The following MAP3K1 variants were observed in gnomAD, a reference collection of about 807,000 sequenced individuals.
MAP3K1 encodes MAP/ERK kinase kinase 1.
Under a neutral mutation model 144.2 loss-of-function variants are expected in MAP3K1, and 36 were observed. The ratio of observed to expected loss-of-function variants is 0.25; its 90% CI spans 0.19 to 0.33. The LOEUF is 0.33. Among genes scored for constraint, MAP3K1 ranks in the 10% least tolerant of loss-of-function variants. The pLI is 1.00. For synonymous variants in MAP3K1, 718 were observed against 688.7 expected, an observed-to-expected ratio of 1.04 and a Z score of -0.67; for missense variants, 1,650 against 1,881.9, an observed-to-expected ratio of 0.88 and a Z score of 2.28.
intron 1 of MAP3K1, among the ~76,000 whole-genome samples, chr5:56,848,677 C>G (rs989953116): frequency 6.6e-6 from 1 of 151,936 alleles, no homozygotes; most frequent in Non-Finnish European, 1.5e-5. Context: ...TTTCAAAATC[C>G]TGTAATTGTG....
chr5:56,855,757 A>G (rs958399028), intron 1 of MAP3K1, among the ~76,000 whole-genome samples: 3 of 152,228 alleles, frequency 2.0e-5, no homozygotes, highest in African/African-American at 7.2e-5. Flanking sequence ...ACTTTTCAAA[A>G]TAGTTACTGA....
At chr5:56,844,787 C>T (rs1207787571) in intron 1 of MAP3K1, among the ~76,000 whole-genome samples, 3 of 152,170 alleles carry the variant, frequency 2.0e-5, no homozygotes, top group Non-Finnish European at 4.4e-5. Context: ...TCTTTGCTGC[C>T]TGGCCAGTGC....
rs1748208673 is a variant in MAP3K1, at chr5:56,881,591, C to G, written c.2391C>G (p.Leu797=). 6.2e-7 allele frequency: 1 copy of G among 1,613,468 alleles called. No homozygotes were observed. Among genetic ancestry groups the G allele is most frequent in the Non-Finnish European group, 8.5e-7 (1 of 1,179,694 alleles). ...TCAGGTATAAGAAGCTGCTGTCCCT[C>G]TTAACCTTTGCTTTGCAGTCCATTG... is the stretch of plus-strand genomic sequence containing the variant. ...VEIRYKKLLS[L]LTFALQSIDN... Residue 797 remains leucine (L), a synonymous_variant, in exon 14 of 20, where the codon CTC becomes CTG. Coordinates refer to ENST00000399503, the MANE Select transcript of MAP3K1 (RefSeq NM_005921.2).
At chr5:56,881,322 C>A (rs2111940174) in intron 13 of MAP3K1, 50 bp downstream of exon 13, 1 of 1,449,336 alleles carries the variant, frequency 6.9e-7, no homozygotes, top group Non-Finnish European at 9.6e-7. Context: ...ACCCTCCCTA[C>A]ACCCTCCTCA....
intron 1 of MAP3K1, chr5:56,852,204 C>G (rs1375417821): frequency 6.6e-6 from 1 of 151,932 alleles, no homozygotes; most frequent in Non-Finnish European, 1.5e-5. Flanking sequence ...GGAAGAAGGT[C>G]TAATTTATGG....
intron 1 of MAP3K1, among the ~76,000 whole-genome samples, chr5:56,846,903 ATTAGTGATGTGC>A (rs1747014875): frequency 6.6e-6 from 1 of 152,232 alleles, no homozygotes; most frequent in Non-Finnish European, 1.5e-5. Context: ...TCTCAATTCT[ATTAGTGATGTGC>A]TTAGTAATGT....
rs938783293 is a variant in MAP3K1 at position 56,893,171 on chromosome 5, C to T, written c.4390-360C>T. On this transcript the variant is annotated intron_variant, in intron 19 of 19. Transcript: ENST00000399503. Reference sequence around the variant, plus strand: ...CTCTGTATGCTGAAGAAATAGAAAACGTGCAGTAAGAACAAACCATCTCGG... The same window carrying T: ...CTCTGTATGCTGAAGAAATAGAAAATGTGCAGTAAGAACAAACCATCTCGG... 7.2e-5 allele frequency among the ~76,000 whole-genome samples: 11 copies of T among 152,038 alleles called. No individual in the cohort carries two copies. In the East Asian group the frequency reaches 7.7e-4, roughly 11 times the overall value.
At chr5:56,842,780 T>C (rs1008802519) in intron 1 of MAP3K1, among the ~76,000 whole-genome samples, 2 of 152,206 alleles carry the variant, frequency 1.3e-5, no homozygotes, top group African/African-American at 4.8e-5. Context: ...TATATATTAA[T>C]TTATTTAATC....
chr5:56,840,757 A>G (rs1746786941), intron 1 of MAP3K1, among the ~76,000 whole-genome samples: 1 of 152,164 alleles, frequency 6.6e-6, no homozygotes, highest in South Asian at 2.1e-4. Flanking sequence ...CGTAAAAACA[A>G]CTGGAACTGA....
intron 9 of MAP3K1, 143 bp from the exon 10 acceptor site, chr5:56,874,889 G>A (rs1326105509): frequency 1.2e-6 from 1 of 814,710 alleles, no homozygotes. Context: ...TAAGTGGCTG[G>A]ATATATTTGA....
intron 16 of MAP3K1, among the ~76,000 whole-genome samples, chr5:56,885,130 T>TG (rs1748342644): frequency 6.6e-6 from 1 of 152,154 alleles, no homozygotes; most frequent in African/African-American, 2.4e-5. Context: ...CATGATAAAT[T>TG]GGACAGATGA....
rs933127319 is a variant in MAP3K1 at position 56,870,505 on chromosome 5, A to G, written c.1302-1405A>G. Among the ~76,000 whole-genome samples, 10 of 152,234 alleles carry G rather than the reference A, an allele frequency of 6.6e-5. No homozygotes were observed. In the South Asian group the frequency reaches 1.9e-3, roughly 28 times the overall value. On this transcript the variant is annotated intron_variant, in intron 6 of 19. Coordinates refer to ENST00000399503, the MANE Select transcript of MAP3K1 (RefSeq NM_005921.2). ...TAACTATTTCATACAACTTTTAAAA[A>G]TTACATAAATCAAGGAATGAAACTC...
intron 16 of MAP3K1, 64 bp from the exon 17 acceptor site, chr5:56,885,868 A>G: frequency 2.7e-6 from 4 of 1,477,258 alleles, no homozygotes; most frequent in Non-Finnish European, 2.8e-6. Context: ...TTTAGAAACC[A>G]AAGTGTAATA....
intron 1 of MAP3K1, among the ~76,000 whole-genome samples, chr5:56,825,964 C>G (rs1746299725): frequency 6.8e-6 from 1 of 148,052 alleles, no homozygotes; most frequent in Admixed American, 6.8e-5. Context: ...ACTGACCGTT[C>G]TTCTTTTTTT....
intron 13 of MAP3K1, 113 bp downstream of exon 13, chr5:56,881,385 A>T: frequency 9.8e-7 from 1 of 1,025,074 alleles, no homozygotes; most frequent in Non-Finnish European, 1.5e-6. Context: ...TAGGTTGCTG[A>T]TACCTTAATA....
intron 9 of MAP3K1, among the ~76,000 whole-genome samples, chr5:56,874,657 C>T (rs997906777): frequency 6.6e-6 from 1 of 151,980 alleles, no homozygotes; most frequent in African/African-American, 2.4e-5. Flanking sequence ...AATCTTGCTC[C>T]AGTTTTTCTC....
intron 1 of MAP3K1, among the ~76,000 whole-genome samples, chr5:56,827,050 G>A (rs887035443): frequency 6.6e-6 from 1 of 152,230 alleles, no homozygotes. Flanking sequence ...CAGGTGAAAG[G>A]AACTTGCAAG....
chr5:56,848,726 G>A lies in MAP3K1; in HGVS notation c.483-7874G>A, dbSNP rs545015055. On this transcript the variant is annotated intron_variant, in intron 1 of 19. Coordinates refer to ENST00000399503, the MANE Select transcript of MAP3K1 (RefSeq NM_005921.2). ...TTAATTTTAAAACTCAAATGGAGTG[G>A]TGTTTTGATGGAAACTAATCCATGA... 1.4e-4 allele frequency among the ~76,000 whole-genome samples: 22 copies of A among 152,170 alleles called. 1 individual carries two copies. Among genetic ancestry groups the A allele is most frequent in the Non-Finnish European group, 2.5e-4 (17 of 68,034 alleles).
At chr5:56,880,650 TA>T in intron 11 of MAP3K1, 60 bp from the exon 12 acceptor site, 1 of 1,102,154 alleles carries the variant, frequency 9.1e-7, no homozygotes, top group Non-Finnish European at 1.4e-6. Context: ...ATTACTCCTC[TA>T]ATATTGTATA....
Sources: allele counts gnomAD v4.1 joint callset (sites outside exome capture counted in the v4.1 genomes callset), GRCh38; gene constraint gnomAD v4.1.1; transcripts MANE v1.5; gene names NCBI Gene and HGNC (gene_info 2026-07-23, HGNC 2026-07-21).